NFIA: variants seen among roughly 807,000 people sequenced by gnomAD.
The protein encoded by NFIA is nuclear factor I A.
In NFIA, 8 loss-of-function variants were observed where a neutral mutation model predicts 62.8. The ratio of observed to expected loss-of-function variants is 0.13; its 90% confidence interval spans 0.07 to 0.23. The LOEUF is 0.23. NFIA is among the 10% of genes least tolerant of loss of function. The pLI, the probability that NFIA is intolerant of heterozygous loss-of-function variation, is 1.00. For synonymous variants in NFIA, 235 were observed against 238.1 expected, an observed-to-expected ratio of 0.99 and a Z score of 0.12; for missense variants, 410 against 642.1, an observed-to-expected ratio of 0.64 and a Z score of 3.91.
chr1:61,240,093 G>A (rs933623688), intron 2 of NFIA, among the ~76,000 whole-genome samples: 3 of 152,034 alleles, frequency 2.0e-5, no homozygotes, highest in East Asian at 1.9e-4. Flanking sequence ...GTCTTTCTAC[G>A]TGATGTTCTA....
At chr1:61,447,969 TAGC>T (rs1236102229) in intron 10 of NFIA, among the ~76,000 whole-genome samples, 2 of 152,204 alleles carry the variant, frequency 1.3e-5, no homozygotes, top group Admixed American at 1.3e-4. Context: ...GCTGACAGAA[TAGC>T]AGCGTTAACA....
chr1:61,202,142 T>A (rs566595672), intron 2 of NFIA, among the ~76,000 whole-genome samples: 1 of 152,188 alleles, frequency 6.6e-6, no homozygotes, highest in African/African-American at 2.4e-5. Context: ...ATTTCACCTT[T>A]ATGGCTTGCT....
chr1:61,102,617 A>C lies in NFIA; in HGVS notation c.559+13937A>C, dbSNP rs192272509. Among the ~76,000 whole-genome samples, 149 of 152,296 alleles carry C rather than the reference A, an allele frequency of 9.8e-4. 1 individual carries two copies. In the Middle Eastern group the frequency reaches 0.01, roughly 10 times the overall value. ...TAATATGAATAAAACTGAACACATT[A>C]ATGATAAATAGCCTTCAATAATACT... On this transcript the variant is annotated intron_variant, in intron 2 of 10. Coordinates refer to ENST00000403491, the MANE Select transcript of NFIA (RefSeq NM_001134673.4).
intron 4 of NFIA, among the ~76,000 whole-genome samples, chr1:61,341,414 CAT>C (rs756217892): frequency 9.2e-5 from 14 of 152,166 alleles, no homozygotes; most frequent in African/African-American, 3.4e-4. Flanking sequence ...TGCTTTCACT[CAT>C]ATTATGAGCA....
chr1:61,382,914 C>CA lies in NFIA; in HGVS notation c.947-322dup, dbSNP rs2100484991. Reference sequence around the variant, plus strand: ...CATACATGGTTTCCTTTTTGGGAGTCACAGAGGTCACAGACACAAGCAGCA... The same window carrying CA: ...CATACATGGTTTCCTTTTTGGGAGTCAACAGAGGTCACAGACACAAGCAGCA... On this transcript the variant is annotated intron_variant, in intron 6 of 10. Coordinates refer to ENST00000403491, the MANE Select transcript of NFIA (RefSeq NM_001134673.4). 1.3e-5 allele frequency among the ~76,000 whole-genome samples: 2 copies of CA among 152,236 alleles called. 1 individual carries two copies. The highest frequency in any genetic ancestry group is 4.2e-4 in the South Asian group (2 of 4,816).
At chr1:61,181,618 T>A (rs1650767938) in intron 2 of NFIA, among the ~76,000 whole-genome samples, 1 of 152,192 alleles carries the variant, frequency 6.6e-6, no homozygotes, top group African/African-American at 2.4e-5. Context: ...TCTACTTACA[T>A]ATAAAACAGC....
intron 3 of NFIA, among the ~76,000 whole-genome samples, chr1:61,325,184 G>A (rs147101198): frequency 2.0e-5 from 3 of 152,164 alleles, no homozygotes; most frequent in Non-Finnish European, 4.4e-5. Context: ...AGTGTTTAAT[G>A]TGCTTTCCAA....
At chr1:61,346,518 CATTT>C (rs756909604) in intron 4 of NFIA, among the ~76,000 whole-genome samples, 83 of 152,286 alleles carry the variant, frequency 5.5e-4, no homozygotes, top group Non-Finnish European at 9.8e-4. Context: ...AGAATATGAT[CATTT>C]ATTTATGCCC....
intron 2 of NFIA, among the ~76,000 whole-genome samples, chr1:61,102,639 T>A (rs1646531506): frequency 6.6e-6 from 1 of 152,188 alleles, no homozygotes; most frequent in South Asian, 2.1e-4. Flanking sequence ...CCTTCAATAA[T>A]ACTATATATT....
chr1:61,356,854 T>A (rs1662979891), intron 5 of NFIA, among the ~76,000 whole-genome samples: 1 of 152,226 alleles, frequency 6.6e-6, no homozygotes, highest in South Asian at 2.1e-4. Flanking sequence ...AATTAGAATT[T>A]CTTGCCATAA....
chr1:61,081,978 T>C (rs1199545624), upstream of NFIA: 2 of 1,550,684 alleles, frequency 1.3e-6, no homozygotes, highest in Non-Finnish European at 1.7e-6. Flanking sequence ...TCCTCGGTTC[T>C]CTACGTGCCC....
intron 2 of NFIA, among the ~76,000 whole-genome samples, chr1:61,172,673 G>C (rs1410963572): frequency 6.6e-6 from 1 of 152,178 alleles, no homozygotes; most frequent in African/African-American, 2.4e-5. Flanking sequence ...GTATGCCTTT[G>C]AAAATATCCA....
At chr1:61,306,789 G>A (rs1235851136) in intron 3 of NFIA, among the ~76,000 whole-genome samples, 1 of 152,152 alleles carries the variant, frequency 6.6e-6, no homozygotes, top group Non-Finnish European at 1.5e-5. Context: ...AGTCCTGGAG[G>A]AGTTATTCTA....
chr1:61,212,289 G>C (rs1302034337), intron 2 of NFIA, among the ~76,000 whole-genome samples: 2 of 152,064 alleles, frequency 1.3e-5, no homozygotes, highest in African/African-American at 4.8e-5. Flanking sequence ...ACACACTAAA[G>C]CTTATTTTTC....
chr1:61,395,868 G>A (rs1665243630), intron 7 of NFIA, among the ~76,000 whole-genome samples: 3 of 152,172 alleles, frequency 2.0e-5, no homozygotes, highest in Admixed American at 2.0e-4. Context: ...CTTAAAGACT[G>A]AGTCTAGATA....
intron 2 of NFIA, among the ~76,000 whole-genome samples, chr1:61,236,680 A>T (rs914673994): frequency 1.3e-5 from 2 of 151,774 alleles, no homozygotes; most frequent in African/African-American, 4.8e-5. Context: ...TTATTTTTGC[A>T]ACTTCTTTCT....
At chr1:61,188,860 C>T (rs1651399927) in intron 2 of NFIA, among the ~76,000 whole-genome samples, 1 of 152,178 alleles carries the variant, frequency 6.6e-6, no homozygotes. Context: ...AGCAAGTTTT[C>T]AGATTCCTGT....
intron 2 of NFIA, among the ~76,000 whole-genome samples, chr1:61,173,258 C>T (rs1314838220): frequency 6.6e-6 from 1 of 152,180 alleles, no homozygotes; most frequent in African/African-American, 2.4e-5. Context: ...CTGAGAGAGT[C>T]ACATTGGCTA....
At position 61,137,644 on chromosome 1, in the gene NFIA, G is replaced by A. The variant is rs549155668; in HGVS notation, c.559+48964G>A. Reference sequence around the variant, plus strand: ...GAATCACCTGGAGTGGGATCTGGGCGTTAGCATTTTTTAAAGCTCCTCTAG... The same window carrying A: ...GAATCACCTGGAGTGGGATCTGGGCATTAGCATTTTTTAAAGCTCCTCTAG... On this transcript the variant is annotated intron_variant, in intron 2 of 10. Transcript: ENST00000403491. 1.7e-4 allele frequency among the ~76,000 whole-genome samples: 26 copies of A among 152,204 alleles called. No homozygotes were observed. In the South Asian group the frequency reaches 3.7e-3, roughly 22 times the overall value.
Sources: gnomAD v4.1 joint callset for allele counts (sites outside exome capture counted in the v4.1 genomes callset) on GRCh38, gnomAD v4.1.1 for gene constraint, MANE v1.5 for transcripts, NCBI Gene and HGNC (gene_info 2026-07-23, HGNC 2026-07-21) for gene names.